The following NCOA2 variants were observed in gnomAD, a reference collection of about 807,000 sequenced individuals.
NCOA2 encodes nuclear receptor coactivator 2, also known as class E basic helix-loop-helix protein 75.
In NCOA2, 21 loss-of-function variants were observed where a neutral mutation model predicts 145.1. The ratio of observed to expected loss-of-function variants is 0.14; its 90% CI spans 0.10 to 0.21. NCOA2 has a LOEUF of 0.21. NCOA2 is among the 10% of genes least tolerant of loss of function. The pLI, the probability that NCOA2 is intolerant of heterozygous loss-of-function variation, is 1.00. For missense variants in NCOA2, 1,472 were observed against 1,837.6 expected (o/e 0.80, Z 3.64); for synonymous variants, 619 against 637.5 (o/e 0.97, Z 0.44).
At chr8:70,231,865 C>T in intron 2 of NCOA2, among the ~76,000 whole-genome samples, 1 of 152,146 alleles carries the variant, frequency 6.6e-6, no homozygotes. Context: ...CTAAGTTCAC[C>T]AACATGCAGC....
chr8:70,145,269 T>C (rs188496381), intron 12 of NCOA2, among the ~76,000 whole-genome samples: 38 of 151,952 alleles, frequency 2.5e-4, no homozygotes, highest in African/African-American at 8.0e-4. Flanking sequence ...GAGATTCTCC[T>C]GCTTCAGCCT....
chr8:70,365,879 C>CA (rs1321771493), intron 1 of NCOA2, among the ~76,000 whole-genome samples: 1 of 152,168 alleles, frequency 6.6e-6, no homozygotes, highest in Non-Finnish European at 1.5e-5. Context: ...TATCACCCAG[C>CA]AAAACCACAG....
At chr8:70,204,839 A>G (rs932210448) in intron 4 of NCOA2, among the ~76,000 whole-genome samples, 3 of 152,144 alleles carry the variant, frequency 2.0e-5, no homozygotes, top group African/African-American at 7.2e-5. Flanking sequence ...TAAAAATACA[A>G]AAATTAGCCA....
At chr8:70,230,067 C>G (rs1038347795) in intron 2 of NCOA2, among the ~76,000 whole-genome samples, 6 of 152,182 alleles carry the variant, frequency 3.9e-5, no homozygotes, top group Non-Finnish European at 8.8e-5. Context: ...AGGAATAGCT[C>G]TTGTCAATTT....
At chr8:70,213,094 C>CAAAAAA (rs951962965) in intron 4 of NCOA2, among the ~76,000 whole-genome samples, 1 of 77,688 alleles carries the variant, frequency 1.3e-5, no homozygotes, top group Non-Finnish European at 2.9e-5. Flanking sequence ...AAAAAAACAC[C>CAAAAAA]AAAAAAAAAA....
At chr8:70,442,106 G>GAGAAAGAAAGAAGAA in the NCOA2 span, among the ~76,000 whole-genome samples, 2 of 65,666 alleles carry the variant, frequency 3.0e-5, no homozygotes, top group South Asian at 4.9e-4. Context: ...AGAAGAAACA[G>GAGAAAGAAAGAAGAA]AGAAAGAAAG....
At chr8:70,147,110 T>TCGCGCGCGCGCGCG (rs71758835) in intron 12 of NCOA2, among the ~76,000 whole-genome samples, 2 of 149,480 alleles carry the variant, frequency 1.3e-5, no homozygotes, top group African/African-American at 5.0e-5. Context: ...TGCAAATCTT[T>TCGCGCGCGCGCGCG]CGCGCGCGCG....
chr8:70,335,010 C>T (rs1208208704), intron 1 of NCOA2, among the ~76,000 whole-genome samples: 1 of 149,854 alleles, frequency 6.7e-6, no homozygotes, highest in Non-Finnish European at 1.5e-5. Context: ...GTAATCCCAG[C>T]TACTTGGTAA....
At chr8:70,315,778 C>A (rs549628770) in intron 1 of NCOA2, among the ~76,000 whole-genome samples, 1 of 152,282 alleles carries the variant, frequency 6.6e-6, no homozygotes, top group Admixed American at 6.5e-5. Flanking sequence ...AATAGCAAAC[C>A]CACATTCCTG....
chr8:70,428,929 A>G, the NCOA2 span, among the ~76,000 whole-genome samples: 1 of 152,206 alleles, frequency 6.6e-6, no homozygotes, highest in Admixed American at 6.5e-5. Context: ...GTGGGAAACG[A>G]CTATATATGT....
intron 4 of NCOA2, among the ~76,000 whole-genome samples, chr8:70,198,872 A>C (rs1030931222): frequency 6.6e-6 from 1 of 152,124 alleles, no homozygotes; most frequent in Non-Finnish European, 1.5e-5. Context: ...GAGAGTATCA[A>C]TTTAAGGCAC....
intron 1 of NCOA2, among the ~76,000 whole-genome samples, chr8:70,365,346 C>A (rs927017555): frequency 8.6e-5 from 13 of 151,666 alleles, no homozygotes; most frequent in Admixed American, 2.6e-4. Flanking sequence ...AACAAACAAA[C>A]AAAAAAAATC....
intron 22 of NCOA2, among the ~76,000 whole-genome samples, chr8:70,117,726 C>A (rs1183268566): frequency 1.3e-5 from 2 of 152,188 alleles, no homozygotes; most frequent in Non-Finnish European, 2.9e-5. Flanking sequence ...GGATTTACTT[C>A]CCAGTGTTGT....
intron 1 of NCOA2, among the ~76,000 whole-genome samples, chr8:70,387,380 A>C (rs1023634187): frequency 1.3e-5 from 2 of 152,236 alleles, no homozygotes; most frequent in African/African-American, 4.8e-5. Context: ...CCCTTTAGAT[A>C]TAGTTTAAGA....
At chr8:70,160,684 A>AGAGAGAGAGAGAGAGAGG (rs1554578996) in intron 9 of NCOA2, among the ~76,000 whole-genome samples, 35 of 147,854 alleles carry the variant, frequency 2.4e-4, no homozygotes, top group South Asian at 1.3e-3. Flanking sequence ...AGAGAGAGGG[A>AGAGAGAGAGAGAGAGAGG]GAGAGAGAGA....
At chr8:70,426,521 T>C in the NCOA2 span, among the ~76,000 whole-genome samples, 1 of 152,218 alleles carries the variant, frequency 6.6e-6, no homozygotes, top group Admixed American at 6.5e-5. Flanking sequence ...CCTGTCATGC[T>C]TTAAGTTAAA....
intron 14 of NCOA2, among the ~76,000 whole-genome samples, chr8:70,139,420 T>C (rs1585797772): frequency 1.3e-5 from 2 of 152,212 alleles, no homozygotes; most frequent in South Asian, 4.1e-4. Flanking sequence ...ATTTCTCATT[T>C]AATTTTGCAC....
At chr8:70,271,651 T>A (rs74320599) in intron 2 of NCOA2, among the ~76,000 whole-genome samples, 6,938 of 152,310 alleles carry the variant, frequency 0.046, 262 homozygotes, top group East Asian at 0.16. Context: ...ATGAGAAACA[T>A]GTCAGCACTC....
intron 2 of NCOA2, among the ~76,000 whole-genome samples, chr8:70,258,800 T>C (rs1310817089): frequency 1.3e-5 from 2 of 152,236 alleles, no homozygotes; most frequent in African/African-American, 4.8e-5. Flanking sequence ...TACTGTACAG[T>C]ACTGATTTGA....
Sources: gnomAD v4.1 joint callset for allele counts (sites outside exome capture counted in the v4.1 genomes callset) on GRCh38, gnomAD v4.1.1 for gene constraint, MANE v1.5 for transcripts, NCBI Gene and HGNC (gene_info 2026-07-23, HGNC 2026-07-21) for gene names.